CGNL1: variants seen among roughly 807,000 people sequenced by gnomAD.
The protein encoded by CGNL1 is cingulin like 1, also known as cingulin-like protein 1.
Under a neutral mutation model 141.2 loss-of-function variants are expected in CGNL1, and 132 were observed. The ratio of observed to expected loss-of-function variants is 0.93; its 90% confidence interval spans 0.81 to 1.08. The LOEUF is 1.08. CGNL1 is among the 50% of genes least tolerant of loss of function. The pLI, the probability that CGNL1 is intolerant of heterozygous loss-of-function variation, is 0.00. For missense variants in CGNL1, 1,870 were observed against 1,588.6 expected (o/e 1.18, Z -3.01); for synonymous variants, 690 against 622.1 (o/e 1.11, Z -1.63).
intron 8 of CGNL1, among the ~76,000 whole-genome samples, chr15:57,506,688 G>A (rs2064107970): frequency 6.6e-6 from 1 of 152,180 alleles, no homozygotes; most frequent in Non-Finnish European, 1.5e-5. Flanking sequence ...CACAAGCAAG[G>A]AGTCAGAGAA....
intron 8 of CGNL1, among the ~76,000 whole-genome samples, chr15:57,486,865 G>A (rs538993101): frequency 1.3e-5 from 2 of 152,296 alleles, no homozygotes; most frequent in African/African-American, 4.8e-5. Flanking sequence ...TGCTCCTGAG[G>A]GGGAGGCTGT....
intron 9 of CGNL1, among the ~76,000 whole-genome samples, chr15:57,518,148 T>A (rs1220901246): frequency 4.3e-5 from 5 of 116,626 alleles, no homozygotes; most frequent in African/African-American, 1.1e-4. Flanking sequence ...TCTAAAAAAA[T>A]AAAAAATAAA....
Position 57,543,727 on chromosome 15 carries a change from A to C in CGNL1, c.3323A>C (p.Glu1108Ala), listed in dbSNP as rs767831967. 6.2e-7 allele frequency: 1 copy of C among 1,614,022 alleles called. No homozygotes were observed. Among genetic ancestry groups the C allele is most frequent in the Non-Finnish European group, 8.5e-7 (1 of 1,179,948 alleles). ...CAGTTGAGGAATGAGCTACTTCAGG[A>C]GAGAGCTGCGAGACAAGACTTGGAG... is the stretch of plus-strand genomic sequence containing the variant. ...MEQLRNELLQ[E>A]RAARQDLECD... The change falls in exon 15 of 19, where the codon GAG becomes GCG. Residue 1108 changes from glutamate (E) to alanine (A), a missense_variant. Transcript: ENST00000281282.
intron 1 of CGNL1, among the ~76,000 whole-genome samples, chr15:57,428,798 G>T (rs2063009611): frequency 6.6e-6 from 1 of 152,170 alleles, no homozygotes; most frequent in Non-Finnish European, 1.5e-5. Context: ...GCCGAGGTGG[G>T]TGGATCATGA....
intron 6 of CGNL1, among the ~76,000 whole-genome samples, 162 bp downstream of exon 6, chr15:57,452,451 A>C (rs2063333287): frequency 1.3e-5 from 2 of 152,202 alleles, no homozygotes; most frequent in African/African-American, 4.8e-5. Flanking sequence ...GAAGCTGGCG[A>C]CACATGTAGA....
intron 6 of CGNL1, among the ~76,000 whole-genome samples, chr15:57,452,645 G>T (rs1423254596): frequency 2.6e-5 from 4 of 152,034 alleles, no homozygotes; most frequent in African/African-American, 9.7e-5. Flanking sequence ...CATGTGTTAC[G>T]TGGCCCCCGT....
intron 1 of CGNL1, among the ~76,000 whole-genome samples, chr15:57,425,672 T>C (rs1231958936): frequency 7.0e-6 from 1 of 143,078 alleles, no homozygotes; most frequent in African/African-American, 2.6e-5. Flanking sequence ...ACCTGGGAGA[T>C]AGAGATTGCA....
chr15:57,465,651 CA>C (rs66893711), intron 8 of CGNL1, among the ~76,000 whole-genome samples: 28,300 of 151,116 alleles, frequency 0.19, 3,055 homozygotes, highest in South Asian at 0.29. Context: ...TCAACCTCCC[CA>C]AAAAAAAAGG....
intron 8 of CGNL1, among the ~76,000 whole-genome samples, chr15:57,498,942 TAAG>T (rs2063982244): frequency 6.6e-6 from 1 of 152,000 alleles, no homozygotes; most frequent in Non-Finnish European, 1.5e-5. Flanking sequence ...GGGACTGAAT[TAAG>T]GAGATTTGTT....
Position 57,516,113 on chromosome 15 carries a change from C to T in CGNL1, c.2404-667C>T, listed in dbSNP as rs1420423179. ...GGCGGAGCTTGCAGTGAGCCGACAT[C>T]GCGCCACTGCACTCCAGCCTGGGGG... On this transcript the variant is annotated intron_variant, in intron 8 of 18. Transcript: ENST00000281282. Among the ~76,000 whole-genome samples the T allele has an allele frequency of 2.8e-5, 4 of 142,648 alleles. No individual in the cohort carries two copies. The East Asian group carries it at 8.4e-4, about 30-fold the overall frequency. 93.6% of individuals were successfully genotyped at this position (142,648 alleles called of 152,430 possible). A position where few individuals can be genotyped will look rare whatever the true frequency, so the allele number is the denominator to read the frequency against.
chr15:57,390,035 C>T (rs2013291), intron 1 of CGNL1, among the ~76,000 whole-genome samples: 39,793 of 152,144 alleles, frequency 0.26, 5,595 homozygotes, highest in Middle Eastern at 0.35. Flanking sequence ...GGGCTGGTCT[C>T]GAACTCCTGA....
intron 8 of CGNL1, among the ~76,000 whole-genome samples, chr15:57,476,162 T>C (rs1201233676): frequency 2.6e-5 from 4 of 152,036 alleles, no homozygotes; most frequent in South Asian, 2.1e-4. Context: ...AGCTGGCATA[T>C]GGCACGGAAA....
At chr15:57,384,169 C>T (rs1318132373) in intron 1 of CGNL1, among the ~76,000 whole-genome samples, 1 of 152,096 alleles carries the variant, frequency 6.6e-6, no homozygotes, top group East Asian at 1.9e-4. Context: ...GCCTGGCTTG[C>T]TCATGGCATG....
chr15:57,505,039 G>A (rs1337552774), intron 8 of CGNL1, among the ~76,000 whole-genome samples: 1 of 152,108 alleles, frequency 6.6e-6, no homozygotes, highest in Non-Finnish European at 1.5e-5. Flanking sequence ...GGAGGGGGTG[G>A]CATTTTATTC....
At chr15:57,517,083 A>T in intron 9 of CGNL1, 97 bp downstream of exon 9, 1 of 1,193,678 alleles carries the variant, frequency 8.4e-7, no homozygotes, top group African/African-American at 1.5e-5. Context: ...TATTGTCATG[A>T]TGTAGTAGGA....
intron 12 of CGNL1, among the ~76,000 whole-genome samples, chr15:57,525,353 T>C (rs1338544953): frequency 2.0e-5 from 3 of 152,238 alleles, no homozygotes; most frequent in Non-Finnish European, 4.4e-5. Flanking sequence ...AAGGGGATGT[T>C]TTTGATTGTT....
At chr15:57,476,074 G>T (rs2063652915) in intron 8 of CGNL1, among the ~76,000 whole-genome samples, 1 of 152,178 alleles carries the variant, frequency 6.6e-6, no homozygotes, top group Non-Finnish European at 1.5e-5. Flanking sequence ...GGACAAGGTG[G>T]CCTCTGCTCT....
chr15:57,523,769 C>A, intron 11 of CGNL1, 128 bp downstream of exon 11: 2 of 957,186 alleles, frequency 2.1e-6, no homozygotes, highest in Non-Finnish European at 3.1e-6. Flanking sequence ...CAGGGATTTG[C>A]AGATCCCAAG....
In CGNL1 at chr15:57,528,726, C is replaced by T; in HGVS notation, c.3112C>T (p.Leu1038=). Residue 1038 remains leucine (L), a synonymous_variant, in exon 13 of 19, where the codon CTG becomes TTG. Transcript: ENST00000281282. ...TGAAGCACTCACAAAAAGGCAGCTT[C>T]TGGAGCAGACGCTGAAGGACCTGGA... The part of the protein sequence containing the change: ...QDEALTKRQL[L]EQTLKDLEYE... 1 of 1,614,176 alleles carries T rather than the reference C, an allele frequency of 6.2e-7. No individual in the cohort carries two copies. The highest frequency in any genetic ancestry group is 1.1e-5 in the South Asian group (1 of 91,078).
Sources: allele counts gnomAD v4.1 joint callset (sites outside exome capture counted in the v4.1 genomes callset), GRCh38; gene constraint gnomAD v4.1.1; transcripts MANE v1.5; gene names NCBI Gene and HGNC (gene_info 2026-07-23, HGNC 2026-07-21).